The following ATXN7 variants were observed in gnomAD, a reference collection of about 807,000 sequenced individuals.
ATXN7 encodes ataxin 7.
In ATXN7, 12 loss-of-function variants were observed where a neutral mutation model predicts 70.5. The observed-to-expected ratio is 0.17, with a 90% CI of 0.11 to 0.28. The LOEUF (loss-of-function observed/expected upper bound fraction) is 0.28. Ranked by LOEUF, ATXN7 falls within the 10% of genes least tolerant of loss-of-function variation. ATXN7 has a pLI of 1.00. For synonymous variants in ATXN7, 498 were observed against 448.7 expected (o/e 1.11, Z -1.39); for missense variants, 1,256 against 1,131.7 (o/e 1.11, Z -1.58).
At chr3:63,906,782 G>C (rs1312239844) in intron 2 of ATXN7, among the ~76,000 whole-genome samples, 1 of 152,182 alleles carries the variant, frequency 6.6e-6, no homozygotes, top group African/African-American at 2.4e-5. Context: ...GTTGGATGGG[G>C]TTGGGGTGGG....
At chr3:63,957,232 T>G (rs955139352) in intron 5 of ATXN7, among the ~76,000 whole-genome samples, 1 of 152,002 alleles carries the variant, frequency 6.6e-6, no homozygotes, top group African/African-American at 2.4e-5. Flanking sequence ...AGATGAATGA[T>G]GTTTATTCAG....
At position 63,990,878 on chromosome 3, in the gene ATXN7, T is replaced by C. The variant is rs2075660944; in HGVS notation, c.1682+19T>C. ...TATGGAAGTGAGTGCCTGTTGTTCT[T>C]GGGAGAGGAGCTGACTTTACACAGT... On this transcript the variant is annotated intron_variant, in intron 11 of 12. Coordinates refer to ENST00000674280, the MANE Select transcript of ATXN7 (RefSeq NM_001377405.1). 1.9e-6 allele frequency: 3 copies of C among 1,614,178 alleles called. No homozygotes were observed. Among genetic ancestry groups the C allele is most frequent in the Non-Finnish European group, 2.5e-6 (3 of 1,180,024 alleles).
chr3:63,863,390 C>T (rs929695200), upstream of ATXN7: 3 of 1,018,460 alleles, frequency 2.9e-6, no homozygotes, highest in South Asian at 1.4e-4. Context: ...TGGGTCCTCA[C>T]CGCGCCCCTA....
intron 4 of ATXN7, among the ~76,000 whole-genome samples, chr3:63,945,946 G>A (rs1285660060): frequency 1.3e-5 from 2 of 152,186 alleles, no homozygotes; most frequent in African/African-American, 4.8e-5. Flanking sequence ...CAAAACCAAG[G>A]CCAGAGTAAC....
chr3:63,934,838 T>G (rs1268031111), intron 4 of ATXN7, among the ~76,000 whole-genome samples: 2 of 152,202 alleles, frequency 1.3e-5, no homozygotes, highest in African/African-American at 4.8e-5. Context: ...CTGTTGACAT[T>G]TGGGCTCAGA....
chr3:63,930,772 C>T (rs1021846956), intron 4 of ATXN7, among the ~76,000 whole-genome samples: 1 of 152,016 alleles, frequency 6.6e-6, no homozygotes, highest in African/African-American at 2.4e-5. Context: ...CCTCATGATC[C>T]GCCCGCCTTG....
Position 63,999,631 on chromosome 3 carries a change from C to A in ATXN7, c.*164C>A. On this transcript the variant is annotated 3_prime_UTR_variant, in exon 13 of 13. Coordinates refer to ENST00000674280, the MANE Select transcript of ATXN7 (RefSeq NM_001377405.1). Reference sequence around the variant, plus strand: ...GGGCTGTTGTTTTAACGAGGATTTCCCTGAAGCTATGTCTCTAGCAGTGAG... The same window carrying A: ...GGGCTGTTGTTTTAACGAGGATTTCACTGAAGCTATGTCTCTAGCAGTGAG... 7.7e-7 allele frequency: 1 copy of A among 1,294,214 alleles called. No individual in the cohort carries two copies. The highest frequency in any genetic ancestry group is 1.1e-6 in the Non-Finnish European group (1 of 912,580). The allele number at this position is 1,294,214 out of a possible 1,614,324, so 80.2% of individuals were successfully genotyped here.
intron 12 of ATXN7, chr3:63,998,200 A>AGGC (rs1553696271): frequency 2.4e-4 from 137 of 564,196 alleles, no homozygotes; most frequent in Non-Finnish European, 2.7e-4. Flanking sequence ...AAAGGACAGA[A>AGGC]GGGGGGGGGG....
chr3:63,916,202 A>T (rs953946357), intron 4 of ATXN7, among the ~76,000 whole-genome samples: 1 of 152,164 alleles, frequency 6.6e-6, no homozygotes, highest in Non-Finnish European at 1.5e-5. Context: ...AAATTAGATA[A>T]TATGTGAATG....
intron 2 of ATXN7, among the ~76,000 whole-genome samples, chr3:63,910,890 A>C (rs1000350575): frequency 2.0e-5 from 3 of 151,996 alleles, no homozygotes; most frequent in Non-Finnish European, 4.4e-5. Flanking sequence ...TTTGAACCCC[A>C]AACCCTCTCT....
At chr3:63,863,693 C>G, upstream of ATXN7, 2 of 1,239,654 alleles carry the variant, frequency 1.6e-6, no homozygotes, top group South Asian at 3.6e-5. Flanking sequence ...TTCCCGGAAG[C>G]GGGCCGGGAG....
intron 5 of ATXN7, among the ~76,000 whole-genome samples, chr3:63,977,455 T>A (rs139662225): frequency 0.01 from 1,577 of 152,316 alleles, 22 homozygotes; most frequent in African/African-American, 0.034. Flanking sequence ...GTTTTCTCTG[T>A]CTTCTTCATA....
chr3:63,956,524 C>T (rs936101800), intron 5 of ATXN7, among the ~76,000 whole-genome samples: 2 of 150,118 alleles, frequency 1.3e-5, no homozygotes, highest in South Asian at 4.3e-4. Flanking sequence ...TGCTGTGCAT[C>T]TGAATCAAAG....
At chr3:63,892,374 C>CAACACACACA in intron 1 of ATXN7, among the ~76,000 whole-genome samples, 1 of 133,478 alleles carries the variant, frequency 7.5e-6, no homozygotes, top group East Asian at 2.3e-4. Flanking sequence ...GACACCTCTA[C>CAACACACACA]CACACACACA....
chr3:63,898,170 A>G (rs1703501140), intron 1 of ATXN7, among the ~76,000 whole-genome samples: 1 of 152,136 alleles, frequency 6.6e-6, no homozygotes, highest in Non-Finnish European at 1.5e-5. Context: ...GTACATATTG[A>G]ATAGTCATTT....
At chr3:63,863,829 CTGA>C, upstream of ATXN7, 1 of 1,227,296 alleles carries the variant, frequency 8.1e-7, no homozygotes, top group Non-Finnish European at 1.0e-6. Flanking sequence ...GCGGCGCAAG[CTGA>C]GGCGGCGGTT....
In ATXN7 at chr3:63,912,684, G is replaced by GCAGCA; in HGVS notation, c.86_87insCAGCA (p.Gln30SerfsTer62). The GCAGCA allele has an allele frequency of 9.2e-7, 1 of 1,086,974 alleles. No homozygotes were observed. Among genetic ancestry groups the GCAGCA allele is most frequent in the Non-Finnish European group, 1.1e-6 (1 of 892,730 alleles). The allele number at this position is 1,086,974 out of a possible 1,614,324, so 67.3% of individuals were successfully genotyped here. On this transcript the variant is annotated frameshift_variant, in exon 3 of 13. Coordinates refer to ENST00000674280, the MANE Select transcript of ATXN7 (RefSeq NM_001377405.1). LOFTEE classifies it high-confidence loss of function. Reference sequence around the variant, plus strand: ...GGCGGAGCAGCGGCCGCGGCCGCCCGGCAGCAGCAGCAGCAGCAGCAGCAG... The same window carrying GCAGCA: ...GGCGGAGCAGCGGCCGCGGCCGCCCGCAGCAGCAGCAGCAGCAGCAGCAGCAGCAG...
chr3:63,992,208 C>T (rs1243051411), intron 11 of ATXN7, among the ~76,000 whole-genome samples: 1 of 152,224 alleles, frequency 6.6e-6, no homozygotes, highest in Non-Finnish European at 1.5e-5. Flanking sequence ...GAACCATCTC[C>T]ATGATCATTA....
intron 4 of ATXN7, among the ~76,000 whole-genome samples, chr3:63,936,485 T>G (rs2074664821): frequency 6.6e-6 from 1 of 152,180 alleles, no homozygotes; most frequent in East Asian, 1.9e-4. Flanking sequence ...GGAAAATCAT[T>G]AGATATACAG....
Sources: allele counts gnomAD v4.1 joint callset (sites outside exome capture counted in the v4.1 genomes callset), GRCh38; gene constraint gnomAD v4.1.1; transcripts MANE v1.5; gene names NCBI Gene and HGNC (gene_info 2026-07-23, HGNC 2026-07-21).